RBMS3: variants seen among roughly 807,000 people sequenced by gnomAD.
The protein encoded by RBMS3 is RNA-binding motif, single-stranded-interacting protein 3.
A neutral mutation model predicts 66.8 loss-of-function variants in RBMS3; 27 were observed. That is an observed-to-expected ratio of 0.40 (90% CI 0.30 to 0.56). The LOEUF (loss-of-function observed/expected upper bound fraction) is 0.56. RBMS3 is among the 20% of genes least tolerant of loss of function. The probability of loss-of-function intolerance (pLI) is 0.40; values close to 1 mark genes in which losing one functional copy is unlikely to be tolerated. For missense variants in RBMS3, 513 were observed against 549.5 expected (o/e 0.93, Z 0.66); for synonymous variants, 188 against 183.0 (o/e 1.03, Z -0.22).
In RBMS3 at chr3:29,625,441, C is replaced by T. The variant is rs555521406; in HGVS notation, c.399+38236C>T. ...AGGCACAGTGGATCACGCCTGTAAT[C>T]CCAGAACTTTGGGAGGCCGAGGCAG... On this transcript the variant is annotated intron_variant, in intron 4 of 14. Coordinates refer to ENST00000383767, the MANE Select transcript of RBMS3 (RefSeq NM_001003793.3). Among the ~76,000 whole-genome samples, 16 of 152,184 alleles carry T rather than the reference C, an allele frequency of 1.1e-4. No individual in the cohort carries two copies. The South Asian group carries it at 2.7e-3, about 26-fold the overall frequency.
chr3:29,281,666 T>G lies in RBMS3; in HGVS notation c.-16T>G, dbSNP rs746443279. ...GTCATCCAGTTCCCTGCCTCGGAGA[T>G]AAAGATTCCAGCTACATGGGCAAAC... On this transcript the variant is annotated 5_prime_UTR_variant, in exon 1 of 15. Transcript: ENST00000383767. 2.0e-5 allele frequency: 32 copies of G among 1,610,792 alleles called. No individual in the cohort carries two copies. Among genetic ancestry groups the G allele is most frequent in the Non-Finnish European group, 2.5e-5 (30 of 1,177,342 alleles).
chr3:29,744,592 G>T (rs1164645283), intron 5 of RBMS3, among the ~76,000 whole-genome samples: 1 of 152,096 alleles, frequency 6.6e-6, no homozygotes, highest in Non-Finnish European at 1.5e-5. Context: ...GGCCAGCCTG[G>T]CCAACATAGC....
At chr3:29,860,167 C>T (rs2059178449) in intron 6 of RBMS3, among the ~76,000 whole-genome samples, 1 of 152,160 alleles carries the variant, frequency 6.6e-6, no homozygotes, top group Admixed American at 6.5e-5. Flanking sequence ...GTATAAACTA[C>T]TTCTGTCTGC....
At chr3:29,930,120 T>C (rs1416561241) in intron 10 of RBMS3, among the ~76,000 whole-genome samples, 1 of 80,978 alleles carries the variant, frequency 1.2e-5, no homozygotes, top group Non-Finnish European at 2.9e-5. Context: ...TTTTTTTTTT[T>C]TTTTTTTTTG....
intron 6 of RBMS3, among the ~76,000 whole-genome samples, chr3:29,785,677 A>G (rs988963441): frequency 1.3e-5 from 2 of 152,074 alleles, no homozygotes; most frequent in Non-Finnish European, 2.9e-5. Context: ...CAAAATTGTC[A>G]TAGAGGGACA....
In RBMS3 at chr3:29,992,531, G is replaced by A. The variant is rs573826539; in HGVS notation, c.1307+1322G>A. On this transcript the variant is annotated intron_variant, in intron 14 of 14. Transcript: ENST00000383767. ...GGAGAATGGCGTGAACCCGGGAGGC[G>A]GAGCAGCTTGCGGTGAGCAGAGATT... Among the ~76,000 whole-genome samples, 4 of 152,264 alleles carry A rather than the reference G, an allele frequency of 2.6e-5. No homozygotes were observed. The East Asian group carries it at 5.8e-4, about 22-fold the overall frequency.
At chr3:29,786,898 A>G (rs1333386665) in intron 6 of RBMS3, among the ~76,000 whole-genome samples, 3 of 152,220 alleles carry the variant, frequency 2.0e-5, no homozygotes, top group East Asian at 1.9e-4. Context: ...AGCAGAGTTA[A>G]CAGACAACCC....
At chr3:29,570,189 A>G (rs908636570) in intron 3 of RBMS3, among the ~76,000 whole-genome samples, 13 of 152,110 alleles carry the variant, frequency 8.5e-5, no homozygotes, top group African/African-American at 3.1e-4. Context: ...TTGAAATTTT[A>G]ATTTTTGTGA....
In RBMS3 at chr3:29,472,443, A is replaced by G. The variant is rs138734302; in HGVS notation, c.249-15998A>G. 4.9e-3 allele frequency among the ~76,000 whole-genome samples: 748 copies of G among 152,196 alleles called. 7 individuals are homozygous for G. The highest frequency in any genetic ancestry group is 0.017 in the African/African-American group (720 of 41,526). On this transcript the variant is annotated intron_variant, in intron 2 of 14. Transcript: ENST00000383767. ...ACTCCTGACTTCAAGTGATCTGCCC[A>G]CCTTGGCCTCCCACAGTGCTAGTGT...
intron 1 of RBMS3, among the ~76,000 whole-genome samples, chr3:29,326,056 A>G (rs976929462): frequency 3.3e-5 from 5 of 152,154 alleles, no homozygotes; most frequent in African/African-American, 1.2e-4. Context: ...ATAATCTACC[A>G]CTGAGATTAT....
At chr3:29,347,767 A>C (rs182786916) in intron 1 of RBMS3, among the ~76,000 whole-genome samples, 74 of 152,352 alleles carry the variant, frequency 4.9e-4, no homozygotes, top group African/African-American at 1.7e-3. Flanking sequence ...TTCTCCCCAC[A>C]AAACTCGCCG....
rs1420799882 is a variant in RBMS3, at chr3:29,582,871, G to T, written c.308-4243G>T. Among the ~76,000 whole-genome samples, 3 of 152,084 alleles carry T rather than the reference G, an allele frequency of 2.0e-5. No homozygotes were observed. The East Asian group carries it at 5.8e-4, about 29-fold the overall frequency. On this transcript the variant is annotated intron_variant, in intron 3 of 14. Transcript: ENST00000383767. ...CTCAGTAATGCAATGTTTATTTCTA[G>T]AATGGGAGTATTTTTCAGGGTTACT...
chr3:29,856,777 C>T (rs992034439), intron 6 of RBMS3, among the ~76,000 whole-genome samples: 2 of 152,170 alleles, frequency 1.3e-5, no homozygotes, highest in African/African-American at 4.8e-5. Flanking sequence ...TAAACATCTT[C>T]ATAGGCGACG....
intron 3 of RBMS3, among the ~76,000 whole-genome samples, chr3:29,511,097 G>A (rs2044385685): frequency 6.6e-6 from 1 of 152,120 alleles, no homozygotes; most frequent in Non-Finnish European, 1.5e-5. Flanking sequence ...AGGAGATCAA[G>A]ACCTATTGGC....
At chr3:29,530,829 G>A (rs1464414213) in intron 3 of RBMS3, among the ~76,000 whole-genome samples, 3 of 150,126 alleles carry the variant, frequency 2.0e-5, no homozygotes, top group East Asian at 2.0e-4. Flanking sequence ...CTGAGATCGC[G>A]CCACTACACT....
chr3:29,813,546 A>T (rs1325053801), intron 6 of RBMS3, among the ~76,000 whole-genome samples: 2 of 152,044 alleles, frequency 1.3e-5, no homozygotes, highest in Admixed American at 1.3e-4. Context: ...TGGGGATGGC[A>T]TTGCATCTGT....
chr3:29,859,920 G>A (rs1348007578), intron 6 of RBMS3, among the ~76,000 whole-genome samples: 1 of 152,016 alleles, frequency 6.6e-6, no homozygotes, highest in African/African-American at 2.4e-5. Context: ...ACACACTCTG[G>A]TAGGCATCAG....
At chr3:29,356,318 T>G (rs1253564137) in intron 1 of RBMS3, among the ~76,000 whole-genome samples, 1 of 152,304 alleles carries the variant, frequency 6.6e-6, no homozygotes, top group East Asian at 1.9e-4. Context: ...AGTAAAGTAG[T>G]GATGGGAAAA....
chr3:29,413,808 A>C (rs1244459411), intron 1 of RBMS3, among the ~76,000 whole-genome samples: 1 of 152,198 alleles, frequency 6.6e-6, no homozygotes, highest in Non-Finnish European at 1.5e-5. Context: ...TCAAAGTTAT[A>C]AATAACTGAG....
Sources: allele counts gnomAD v4.1 joint callset (sites outside exome capture counted in the v4.1 genomes callset), GRCh38; gene constraint gnomAD v4.1.1; transcripts MANE v1.5; gene names NCBI Gene and HGNC (gene_info 2026-07-23, HGNC 2026-07-21).